GPD2: variants seen among roughly 807,000 people sequenced by gnomAD.
The protein encoded by GPD2 is glycerol-3-phosphate dehydrogenase, mitochondrial.
Under a neutral mutation model 82.4 loss-of-function variants are expected in GPD2, and 54 were observed. That is an observed-to-expected ratio of 0.66 (90% CI 0.53 to 0.82). The LOEUF (loss-of-function observed/expected upper bound fraction) is 0.82, where lower values mean the gene tolerates loss of function less well. Ranked by LOEUF, GPD2 falls within the 40% of genes least tolerant of loss-of-function variation. The pLI, the probability that GPD2 is intolerant of heterozygous loss-of-function variation, is 0.00. For missense variants in GPD2, 748 were observed against 896.2 expected, an observed-to-expected ratio of 0.83 and a Z score of 2.11; for synonymous variants, 288 against 306.1, an observed-to-expected ratio of 0.94 and a Z score of 0.62.
At chr2:156,506,730 C>T (rs1246427123) in intron 3 of GPD2, among the ~76,000 whole-genome samples, 8 of 152,128 alleles carry the variant, frequency 5.3e-5, no homozygotes, top group Admixed American at 4.6e-4. Flanking sequence ...TCCAAAAGGT[C>T]TCCTGCCTCC....
In GPD2 at chr2:156,458,341, T is replaced by C. The variant is rs557660519; in HGVS notation, c.-8-17757T>C. ...TGGGAAACACCCAATTCCAGGAAGG[T>C]TGATCAGCTTTGCAGTTTCTGGTTT... On this transcript the variant is annotated intron_variant, in intron 1 of 16. Coordinates refer to ENST00000438166, the MANE Select transcript of GPD2 (RefSeq NM_000408.5). 3.3e-5 allele frequency among the ~76,000 whole-genome samples: 5 copies of C among 152,334 alleles called. No individual in the cohort carries two copies. The East Asian group carries it at 9.6e-4, about 29-fold the overall frequency.
intron 2 of GPD2, among the ~76,000 whole-genome samples, chr2:156,485,711 A>G (rs1439692776): frequency 6.6e-6 from 1 of 152,154 alleles, no homozygotes; most frequent in South Asian, 2.1e-4. Context: ...CCAGGAACCT[A>G]TGTCTCTTTA....
chr2:156,469,585 G>C (rs1683259336), intron 1 of GPD2, among the ~76,000 whole-genome samples: 1 of 152,176 alleles, frequency 6.6e-6, no homozygotes, highest in African/African-American at 2.4e-5. Context: ...ACTGTGACTA[G>C]TGCTGCAATA....
chr2:156,506,299 G>A (rs977657085), intron 3 of GPD2, among the ~76,000 whole-genome samples: 2 of 152,048 alleles, frequency 1.3e-5, no homozygotes, highest in Non-Finnish European at 2.9e-5. Context: ...GAGCAGTATC[G>A]TTTCTTTCCA....
At chr2:156,505,081 C>A (rs569692254) in intron 3 of GPD2, among the ~76,000 whole-genome samples, 18 of 152,116 alleles carry the variant, frequency 1.2e-4, no homozygotes, top group African/African-American at 3.4e-4. Flanking sequence ...AAATGTCGTA[C>A]CATTTTTCCT....
At chr2:156,548,456 G>T (rs1560628) in intron 6 of GPD2, among the ~76,000 whole-genome samples, 1 of 151,870 alleles carries the variant, frequency 6.6e-6, no homozygotes, top group Non-Finnish European at 1.5e-5. Flanking sequence ...TTGGGGGGAC[G>T]GTTCTTAGCC....
At chr2:156,432,964 T>C (rs1435919565), upstream of GPD2, among the ~76,000 whole-genome samples, 1 of 152,182 alleles carries the variant, frequency 6.6e-6, no homozygotes, top group Non-Finnish European at 1.5e-5. Flanking sequence ...TGCTGTCCTT[T>C]GGTTGTTCTG....
At chr2:156,435,816 C>T (rs114453408), upstream of GPD2, 1 of 152,602 alleles carries the variant, frequency 6.6e-6, no homozygotes, top group African/African-American at 2.4e-5. Flanking sequence ...TAAGCCAGCC[C>T]CGCCAGCGTG....
chr2:156,585,703 T>A lies in GPD2; in HGVS notation c.*2785T>A, dbSNP rs1234368822. On this transcript the variant is annotated 3_prime_UTR_variant, in exon 17 of 17. Coordinates refer to ENST00000438166, the MANE Select transcript of GPD2 (RefSeq NM_000408.5). ...AACTCATTCTCACTTTTACTAAATA[T>A]ACTGTAGGAGTCATCATTGATGTTA... 6.6e-6 allele frequency: 1 copy of A among 152,490 alleles called. No homozygotes were observed. Among genetic ancestry groups the A allele is most frequent in the Non-Finnish European group, 1.5e-5 (1 of 67,988 alleles). The allele number at this position is 152,490 out of a possible 1,614,324, so 9.4% of individuals were successfully genotyped here. A position where few individuals can be genotyped will look rare whatever the true frequency, so the allele number is the denominator to read the frequency against.
intron 6 of GPD2, among the ~76,000 whole-genome samples, chr2:156,530,603 C>T (rs980275405): frequency 5.2e-4 from 79 of 151,724 alleles, no homozygotes; most frequent in African/African-American, 1.8e-3. Context: ...GAAATACGTT[C>T]CATCAATACC....
intron 3 of GPD2, among the ~76,000 whole-genome samples, chr2:156,509,630 G>T (rs1224400449): frequency 6.6e-6 from 1 of 152,018 alleles, no homozygotes; most frequent in Non-Finnish European, 1.5e-5. Context: ...TCCTGAAGAG[G>T]CAGGGTGTCT....
At chr2:156,499,965 G>T (rs1469256070) in intron 3 of GPD2, among the ~76,000 whole-genome samples, 1 of 151,978 alleles carries the variant, frequency 6.6e-6, no homozygotes, top group Non-Finnish European at 1.5e-5. Flanking sequence ...TCTTCTGGCA[G>T]TGAAGGGCAT....
intron 1 of GPD2, among the ~76,000 whole-genome samples, chr2:156,460,317 G>A (rs116419733): frequency 0.011 from 1,610 of 152,212 alleles, 13 homozygotes; most frequent in Non-Finnish European, 0.017. Context: ...TGAAATGCAT[G>A]GCCCTTTAGT....
At chr2:156,530,756 C>G (rs1010092926) in intron 6 of GPD2, among the ~76,000 whole-genome samples, 13 of 152,110 alleles carry the variant, frequency 8.5e-5, no homozygotes, top group Admixed American at 3.3e-4. Flanking sequence ...TATATTGAAC[C>G]AGCCTTGCAT....
At chr2:156,555,125 T>A (rs1686912966) in intron 8 of GPD2, among the ~76,000 whole-genome samples, 1 of 152,246 alleles carries the variant, frequency 6.6e-6, no homozygotes, top group Non-Finnish European at 1.5e-5. Flanking sequence ...AAAATATGAA[T>A]TAGGTAATTT....
intron 6 of GPD2, among the ~76,000 whole-genome samples, chr2:156,537,257 C>T (rs1049187892): frequency 2.6e-5 from 4 of 152,152 alleles, no homozygotes; most frequent in South Asian, 2.1e-4. Flanking sequence ...TCAGGGACTG[C>T]GTGGGGCTGA....
chr2:156,534,234 T>C (rs1338258591), intron 6 of GPD2, among the ~76,000 whole-genome samples: 1 of 112,780 alleles, frequency 8.9e-6, no homozygotes, highest in Non-Finnish European at 1.9e-5. Flanking sequence ...GATGTTTAAA[T>C]GCCCTTTCTC....
the GPD2 span, among the ~76,000 whole-genome samples, chr2:156,401,205 G>C: frequency 6.6e-6 from 1 of 152,136 alleles, no homozygotes; most frequent in African/African-American, 2.4e-5. Context: ...TTCTACCACT[G>C]AACCACCAAT....
chr2:156,408,329 A>G, the GPD2 span, among the ~76,000 whole-genome samples: 1 of 152,148 alleles, frequency 6.6e-6, no homozygotes, highest in East Asian at 1.9e-4. Context: ...GTTTTGAAAT[A>G]TGGAAAGTTT....
Sources: gnomAD v4.1 joint callset for allele counts (sites outside exome capture counted in the v4.1 genomes callset) on GRCh38, gnomAD v4.1.1 for gene constraint, MANE v1.5 for transcripts, NCBI Gene and HGNC (gene_info 2026-07-23, HGNC 2026-07-21) for gene names.